PHKB: variants seen among roughly 807,000 people sequenced by gnomAD.
PHKB encodes phosphorylase kinase regulatory subunit beta.
In PHKB, 122 loss-of-function variants were observed where a neutral mutation model predicts 152.1. The observed-to-expected ratio is 0.80, with a 90% CI of 0.69 to 0.93. The LOEUF is 0.93. Among genes scored for constraint, PHKB ranks in the 40% least tolerant of loss-of-function variants. The pLI is 0.00. For missense variants in PHKB, 1,304 were observed against 1,328.4 expected, an observed-to-expected ratio of 0.98 and a Z score of 0.29; for synonymous variants, 436 against 464.9, an observed-to-expected ratio of 0.94 and a Z score of 0.80.
chr16:47,467,699 A>G (rs1969692225), intron 1 of PHKB, among the ~76,000 whole-genome samples: 1 of 152,162 alleles, frequency 6.6e-6, no homozygotes, highest in Non-Finnish European at 1.5e-5. Context: ...CTGTGTCATT[A>G]TGCTCAGCAA....
rs578217523 is a variant in PHKB, at chr16:47,521,610, G to A, written c.594+6009G>A. On this transcript the variant is annotated intron_variant, in intron 6 of 30. Coordinates refer to ENST00000323584, the MANE Select transcript of PHKB (RefSeq NM_000293.3). ...GCGGAGGTTGTGGTAAGCTGAGATT[G>A]TGCCATTGCCCTCCAGCCTGGGAAA... Among the ~76,000 whole-genome samples the A allele has an allele frequency of 4.0e-5, 6 of 151,836 alleles. No individual in the cohort carries two copies. In the South Asian group the frequency reaches 1.2e-3, roughly 32 times the overall value.
intron 1 of PHKB, among the ~76,000 whole-genome samples, chr16:47,495,901 G>A (rs1416324528): frequency 3.3e-5 from 5 of 152,042 alleles, no homozygotes; most frequent in African/African-American, 7.2e-5. Context: ...TCTTCTTTTC[G>A]CTCAGAGCAA....
intron 10 of PHKB, among the ~76,000 whole-genome samples, chr16:47,591,539 T>G (rs924935086): frequency 1.3e-5 from 2 of 152,178 alleles, no homozygotes; most frequent in African/African-American, 4.8e-5. Flanking sequence ...TTCTCTCACT[T>G]ACTTCTTAGT....
chr16:47,660,952 C>G, intron 22 of PHKB, 133 bp downstream of exon 22: 1 of 855,680 alleles, frequency 1.2e-6, no homozygotes, highest in Non-Finnish European at 2.0e-6. Context: ...CTTGTCTACT[C>G]CCAGGGCAAT....
chr16:47,619,778 C>G (rs1972585097), intron 14 of PHKB, among the ~76,000 whole-genome samples: 1 of 152,166 alleles, frequency 6.6e-6, no homozygotes, highest in Non-Finnish European at 1.5e-5. Context: ...GCAGCTCATT[C>G]AAACTTGGGA....
chr16:47,547,698 A>T lies in PHKB; in HGVS notation c.710+150A>T, dbSNP rs1383899190. 4 of 613,878 alleles carry T rather than the reference A, an allele frequency of 6.5e-6. No individual in the cohort carries two copies. In the Admixed American group the frequency reaches 1.1e-4, roughly 17 times the overall value. The allele number at this position is 613,878 out of a possible 1,614,324, so 38.0% of individuals were successfully genotyped here. On this transcript the variant is annotated intron_variant, in intron 7 of 30. Transcript: ENST00000323584. The stretch of plus-strand genomic sequence containing the variant: ...CTATGATGCAGATGGAAGTCACTTA[A>T]AATTAACACAAAAGAGCCCATCCTC...
intron 3 of PHKB, 30 bp downstream of exon 3, chr16:47,499,924 T>C (rs754780332): frequency 1.2e-6 from 2 of 1,613,630 alleles, no homozygotes; most frequent in Non-Finnish European, 1.7e-6. Context: ...CCTCGTAACT[T>C]TGAGAGTGGA....
At chr16:47,572,723 AGTG>A (rs773746205) in intron 7 of PHKB, among the ~76,000 whole-genome samples, 44 of 152,328 alleles carry the variant, frequency 2.9e-4, no homozygotes, top group Non-Finnish European at 5.6e-4. Context: ...AAGTAGCCTT[AGTG>A]CAGTGGCTTT....
intron 7 of PHKB, among the ~76,000 whole-genome samples, chr16:47,575,633 T>C (rs1311441200): frequency 6.6e-6 from 1 of 152,152 alleles, no homozygotes; most frequent in African/African-American, 2.4e-5. Flanking sequence ...ATATTCTCAC[T>C]TAAAAGTGGG....
At chr16:47,682,744 A>C (rs1200144547) in intron 26 of PHKB, among the ~76,000 whole-genome samples, 1 of 152,176 alleles carries the variant, frequency 6.6e-6, no homozygotes, top group African/African-American at 2.4e-5. Context: ...TGATCGTCTG[A>C]AGCCTTCTTC....
intron 1 of PHKB, among the ~76,000 whole-genome samples, chr16:47,493,210 A>G (rs1970179726): frequency 6.6e-6 from 1 of 152,220 alleles, no homozygotes; most frequent in Non-Finnish European, 1.5e-5. Flanking sequence ...AAATGAGGCC[A>G]GTACACCAGG....
chr16:47,678,686 G>C (rs1458080810), intron 26 of PHKB, among the ~76,000 whole-genome samples: 31 of 151,960 alleles, frequency 2.0e-4, no homozygotes, highest in Non-Finnish European at 3.7e-4. Flanking sequence ...TGTCAGATGA[G>C]TAGGTTGCAA....
At chr16:47,525,810 G>A (rs1407359186) in intron 6 of PHKB, among the ~76,000 whole-genome samples, 1 of 152,146 alleles carries the variant, frequency 6.6e-6, no homozygotes, top group Non-Finnish European at 1.5e-5. Context: ...GGCTACACAG[G>A]GAGTTGTACC....
intron 1 of PHKB, among the ~76,000 whole-genome samples, chr16:47,481,387 T>C (rs1326413102): frequency 1.3e-5 from 2 of 152,248 alleles, no homozygotes; most frequent in Non-Finnish European, 2.9e-5. Context: ...CTTGGTTTTC[T>C]GCAGCTCCTG....
At chr16:47,601,504 G>A (rs923899847) in intron 13 of PHKB, among the ~76,000 whole-genome samples, 3 of 152,028 alleles carry the variant, frequency 2.0e-5, no homozygotes, top group Non-Finnish European at 4.4e-5. Context: ...AGGAGATCAA[G>A]ACTATCCTGG....
intron 14 of PHKB, among the ~76,000 whole-genome samples, chr16:47,612,845 C>G (rs1345713934): frequency 6.6e-6 from 1 of 152,174 alleles, no homozygotes; most frequent in Non-Finnish European, 1.5e-5. Flanking sequence ...TAGGCAAGAC[C>G]TGGCATGCCC....
intron 6 of PHKB, chr16:47,529,857 G>A (rs939774671): frequency 6.6e-6 from 1 of 152,068 alleles, no homozygotes; most frequent in Non-Finnish European, 1.5e-5. Context: ...TTTAATCTTA[G>A]AAATGCAAGG....
At chr16:47,491,983 A>G (rs1490844730) in intron 1 of PHKB, among the ~76,000 whole-genome samples, 2 of 152,192 alleles carry the variant, frequency 1.3e-5, no homozygotes, top group Non-Finnish European at 2.9e-5. Context: ...GCCAGGCCAA[A>G]CAGCTGATAT....
At chr16:47,649,543 T>C (rs975776661) in intron 18 of PHKB, among the ~76,000 whole-genome samples, 6 of 152,238 alleles carry the variant, frequency 3.9e-5, no homozygotes, top group African/African-American at 1.4e-4. Context: ...AAAATAATTT[T>C]ATTTATGAAA....
Sources: gnomAD v4.1 joint callset for allele counts (sites outside exome capture counted in the v4.1 genomes callset) on GRCh38, gnomAD v4.1.1 for gene constraint, MANE v1.5 for transcripts, NCBI Gene and HGNC (gene_info 2026-07-23, HGNC 2026-07-21) for gene names.